The following IGF2BP2 variants were observed in gnomAD, a reference collection of about 807,000 sequenced individuals.
IGF2BP2 encodes insulin-like growth factor 2 mRNA-binding protein 2.
In IGF2BP2, 17 loss-of-function variants were observed where a neutral mutation model predicts 75.8. The observed-to-expected ratio is 0.22, with a 90% confidence interval of 0.15 to 0.34. The LOEUF is 0.34. Among genes scored for constraint, IGF2BP2 ranks in the 10% least tolerant of loss-of-function variants. IGF2BP2 has a pLI of 1.00. For missense variants in IGF2BP2, 516 were observed against 772.4 expected, an observed-to-expected ratio of 0.67 and a Z score of 3.93; for synonymous variants, 288 against 295.6, an observed-to-expected ratio of 0.97 and a Z score of 0.26.
At chr3:185,757,038 G>A (rs1317791079) in intron 2 of IGF2BP2, among the ~76,000 whole-genome samples, 1 of 152,074 alleles carries the variant, frequency 6.6e-6, no homozygotes, top group Non-Finnish European at 1.5e-5. Flanking sequence ...CAACACTCAC[G>A]ATACTCCATG....
chr3:185,698,511 T>G (rs1452938328), intron 2 of IGF2BP2, among the ~76,000 whole-genome samples, 164 bp from the exon 3 acceptor site: 1 of 152,196 alleles, frequency 6.6e-6, no homozygotes, highest in African/African-American at 2.4e-5. Flanking sequence ...GTTTTTTTGT[T>G]GTTTTTTTTC....
chr3:185,717,092 T>C, intron 2 of IGF2BP2: 2 of 260,166 alleles, frequency 7.7e-6, no homozygotes, highest in South Asian at 4.5e-5. Flanking sequence ...ATCATCTGAA[T>C]GTAAAGGGTC....
chr3:185,727,715 A>G (rs561020839), intron 2 of IGF2BP2, among the ~76,000 whole-genome samples: 12 of 152,338 alleles, frequency 7.9e-5, no homozygotes, highest in Admixed American at 6.5e-4. Flanking sequence ...GATGGAGTGG[A>G]GGATAAACAA....
At chr3:185,797,759 G>C (rs1240085299) in intron 2 of IGF2BP2, among the ~76,000 whole-genome samples, 1 of 151,370 alleles carries the variant, frequency 6.6e-6, no homozygotes, top group African/African-American at 2.4e-5. Flanking sequence ...AAAAAAATTA[G>C]CCAAGCGTGG....
At chr3:185,739,564 G>A (rs1729268863) in intron 2 of IGF2BP2, among the ~76,000 whole-genome samples, 1 of 152,112 alleles carries the variant, frequency 6.6e-6, no homozygotes, top group South Asian at 2.1e-4. Context: ...AGCTGAATTT[G>A]GCCAGGAGCA....
At chr3:185,680,612 T>C (rs1379245132) in intron 7 of IGF2BP2, among the ~76,000 whole-genome samples, 1 of 152,056 alleles carries the variant, frequency 6.6e-6, no homozygotes, top group Non-Finnish European at 1.5e-5. Context: ...CACGACCAAG[T>C]GGGATTTGTT....
chr3:185,824,690 CCGG>C, intron 1 of IGF2BP2, 90 bp downstream of exon 1: 1 of 1,006,168 alleles, frequency 9.9e-7, no homozygotes, highest in Non-Finnish European at 1.3e-6. Flanking sequence ...GGAGCCGCCG[CCGG>C]GCGCCGCCCG....
chr3:185,818,320 G>T (rs1379246286), intron 2 of IGF2BP2, among the ~76,000 whole-genome samples: 1 of 152,136 alleles, frequency 6.6e-6, no homozygotes, highest in Non-Finnish European at 1.5e-5. Flanking sequence ...TGCACTGATG[G>T]TCCTTTCAGT....
intron 10 of IGF2BP2, among the ~76,000 whole-genome samples, chr3:185,660,699 T>C (rs2149118468): frequency 6.6e-6 from 1 of 152,308 alleles, no homozygotes; most frequent in South Asian, 2.1e-4. Context: ...TTGGCTCTGC[T>C]TCTAAGGACC....
rs921825084 is a variant in IGF2BP2, at chr3:185,648,063, G to T, written c.1594-925C>A. Among the ~76,000 whole-genome samples the T allele has an allele frequency of 2.3e-3, 350 of 152,350 alleles. 1 individual carries two copies. Among genetic ancestry groups the T allele is most frequent in the African/African-American group, 8.0e-3 (333 of 41,582 alleles). ...GAGCGCCGACTGCATTCTGGAGACG[G>T]GGAATCCTTTGATTCCACACCGCTT... On this transcript the variant is annotated intron_variant, in intron 14 of 15. Transcript: ENST00000382199.
At chr3:185,775,798 G>A (rs1462981892) in intron 2 of IGF2BP2, among the ~76,000 whole-genome samples, 1 of 152,162 alleles carries the variant, frequency 6.6e-6, no homozygotes, top group South Asian at 2.1e-4. Flanking sequence ...TAATAAAAAC[G>A]CCAGTCCAAG....
At chr3:185,745,592 G>A (rs987312083) in intron 2 of IGF2BP2, among the ~76,000 whole-genome samples, 4 of 152,154 alleles carry the variant, frequency 2.6e-5, no homozygotes, top group African/African-American at 9.7e-5. Flanking sequence ...GAATGCCTAA[G>A]ATGATTCAGG....
chr3:185,686,344 A>C (rs984728922), intron 7 of IGF2BP2, among the ~76,000 whole-genome samples: 1 of 151,876 alleles, frequency 6.6e-6, no homozygotes, highest in Non-Finnish European at 1.5e-5. Context: ...AGATTGCACT[A>C]CTGCACTCCA....
chr3:185,741,822 G>A (rs1729591562), intron 2 of IGF2BP2, among the ~76,000 whole-genome samples: 1 of 152,172 alleles, frequency 6.6e-6, no homozygotes, highest in African/African-American at 2.4e-5. Context: ...CTATGACTGA[G>A]TATGTGTGGG....
intron 10 of IGF2BP2, among the ~76,000 whole-genome samples, chr3:185,662,942 A>G (rs2149134113): frequency 6.6e-6 from 1 of 152,252 alleles, no homozygotes; most frequent in South Asian, 2.1e-4. Flanking sequence ...GGCCTCCCAG[A>G]GTGCTGGGAT....
intron 2 of IGF2BP2, among the ~76,000 whole-genome samples, chr3:185,719,316 T>C (rs1195377640): frequency 6.6e-6 from 1 of 152,198 alleles, no homozygotes; most frequent in Non-Finnish European, 1.5e-5. Flanking sequence ...ATATCTTTGA[T>C]GAACAGTAGT....
At chr3:185,758,971 T>C (rs1253428894) in intron 2 of IGF2BP2, among the ~76,000 whole-genome samples, 1 of 152,170 alleles carries the variant, frequency 6.6e-6, no homozygotes, top group African/African-American at 2.4e-5. Flanking sequence ...TTAAAACCAA[T>C]GTTTGTTCTT....
chr3:185,672,813 G>A, intron 9 of IGF2BP2, 144 bp from the exon 10 acceptor site: 1 of 837,842 alleles, frequency 1.2e-6, no homozygotes, highest in Non-Finnish European at 1.9e-6. Flanking sequence ...TATCAGAGGT[G>A]GGTGCCACAT....
At chr3:185,779,106 A>C (rs1158625702) in intron 2 of IGF2BP2, among the ~76,000 whole-genome samples, 28 of 148,958 alleles carry the variant, frequency 1.9e-4, no homozygotes, top group Admixed American at 1.5e-3. Context: ...AGTTATTTTT[A>C]AACTTCTAAA....
Sources: gnomAD v4.1 joint callset for allele counts (sites outside exome capture counted in the v4.1 genomes callset) on GRCh38, gnomAD v4.1.1 for gene constraint, MANE v1.5 for transcripts, NCBI Gene and HGNC (gene_info 2026-07-23, HGNC 2026-07-21) for gene names.